SLC35F3: variants seen among roughly 807,000 people sequenced by gnomAD.
SLC35F3 encodes the protein solute carrier family 35 member F3.
Under a neutral mutation model 49.9 loss-of-function variants are expected in SLC35F3, and 25 were observed. The ratio of observed to expected loss-of-function variants is 0.50; its 90% CI spans 0.37 to 0.70. SLC35F3 has a LOEUF of 0.70. Ranked by LOEUF, SLC35F3 falls within the 30% of genes least tolerant of loss-of-function variation. The probability of loss-of-function intolerance (pLI) is 0.00; values close to 1 mark genes in which losing one functional copy is unlikely to be tolerated. For missense variants in SLC35F3, 525 were observed against 639.8 expected, an observed-to-expected ratio of 0.82 and a Z score of 1.94; for synonymous variants, 275 against 265.4, an observed-to-expected ratio of 1.04 and a Z score of -0.35.
intron 2 of SLC35F3, among the ~76,000 whole-genome samples, chr1:233,972,641 TATTATC>T (rs989243384): frequency 6.6e-6 from 1 of 150,968 alleles, no homozygotes; most frequent in Non-Finnish European, 1.5e-5. Context: ...AAATCATGGT[TATTATC>T]ATTATCATCA....
intron 2 of SLC35F3, among the ~76,000 whole-genome samples, chr1:233,944,887 A>T (rs1662488862): frequency 6.6e-6 from 1 of 152,138 alleles, no homozygotes; most frequent in Non-Finnish European, 1.5e-5. Context: ...CCATGGCAAC[A>T]TTCCTTAGTT....
At chr1:234,097,108 C>T (rs372250334) in intron 2 of SLC35F3, among the ~76,000 whole-genome samples, 2 of 152,052 alleles carry the variant, frequency 1.3e-5, no homozygotes, top group Non-Finnish European at 2.9e-5. Context: ...AGGCTGGTCT[C>T]GAACTCCCGA....
intron 3 of SLC35F3, among the ~76,000 whole-genome samples, chr1:234,278,994 G>A (rs971381044): frequency 7.4e-5 from 10 of 134,440 alleles, no homozygotes; most frequent in South Asian, 2.3e-4. Context: ...AAGGATGTGC[G>A]CTCCTGACAG....
chr1:233,974,133 T>C (rs907838362), intron 2 of SLC35F3, among the ~76,000 whole-genome samples: 9 of 151,812 alleles, frequency 5.9e-5, no homozygotes, highest in Admixed American at 5.3e-4. Context: ...AAACCCACTC[T>C]TGGGCAGGAG....
chr1:234,031,529 G>T (rs1474505284), intron 2 of SLC35F3, among the ~76,000 whole-genome samples: 1 of 152,148 alleles, frequency 6.6e-6, no homozygotes, highest in African/African-American at 2.4e-5. Context: ...CATTTGCCAT[G>T]TTCTGAGTGT....
chr1:233,922,269 G>A (rs1397944180), intron 2 of SLC35F3, among the ~76,000 whole-genome samples: 2 of 152,174 alleles, frequency 1.3e-5, no homozygotes, highest in African/African-American at 4.8e-5. Flanking sequence ...CAGTGTAAAA[G>A]TGTTCCTATT....
chr1:234,234,921 G>A (rs1017313571), intron 3 of SLC35F3, among the ~76,000 whole-genome samples: 1 of 152,198 alleles, frequency 6.6e-6, no homozygotes, highest in African/African-American at 2.4e-5. Flanking sequence ...AACAAGTACT[G>A]TGTTGTGATA....
chr1:234,113,610 T>C (rs1401619921), intron 2 of SLC35F3, among the ~76,000 whole-genome samples: 1 of 152,208 alleles, frequency 6.6e-6, no homozygotes, highest in Non-Finnish European at 1.5e-5. Context: ...ACGCCTGTAA[T>C]CCCAGCACTT....
chr1:234,195,596 G>A (rs1666796106), intron 2 of SLC35F3, among the ~76,000 whole-genome samples: 1 of 152,000 alleles, frequency 6.6e-6, no homozygotes, highest in African/African-American at 2.4e-5. Flanking sequence ...TCTTCCTTTA[G>A]GTTTCGGTCC....
intron 3 of SLC35F3, among the ~76,000 whole-genome samples, chr1:234,267,991 G>T (rs1379179756): frequency 7.0e-6 from 1 of 142,710 alleles, no homozygotes; most frequent in Non-Finnish European, 1.5e-5. Context: ...AGGCAGAGGG[G>T]CTCCTCACAT....
chr1:234,214,597 CG>C lies in SLC35F3; in HGVS notation c.284-16815del, dbSNP rs1415118579. The C allele has an allele frequency of 3.3e-6, 5 of 1,522,606 alleles. No individual in the cohort carries two copies. The highest frequency in any genetic ancestry group is 2.7e-5 in the East Asian group (1 of 36,504). 94.3% of individuals were successfully genotyped at this position (1,522,606 alleles called of 1,614,324 possible). On this transcript the variant is annotated intron_variant, in intron 2 of 7. Transcript: ENST00000366618. The surrounding 1 kb of genome is among the most constrained non-coding windows in gnomAD (Gnocchi z 8.0). Reference sequence around the variant, plus strand: ...AAGGTAATGCGCGGCCGCCTCGCCCCGGGGGTCCCTGCACCCTAGCCGGGGA... The same window carrying C: ...AAGGTAATGCGCGGCCGCCTCGCCCCGGGGTCCCTGCACCCTAGCCGGGGA...
chr1:234,101,031 C>G (rs1401976691), intron 2 of SLC35F3, among the ~76,000 whole-genome samples: 1 of 152,038 alleles, frequency 6.6e-6, no homozygotes, highest in Non-Finnish European at 1.5e-5. Context: ...GAACACAAGC[C>G]CCTTCCTACC....
At chr1:234,230,137 C>T (rs1056662560) in intron 2 of SLC35F3, among the ~76,000 whole-genome samples, 9 of 152,110 alleles carry the variant, frequency 5.9e-5, no homozygotes, top group African/African-American at 2.4e-5. Flanking sequence ...ACAGTTTGGC[C>T]CAATAAAGTA....
At chr1:234,184,135 T>C (rs1354351982) in intron 2 of SLC35F3, among the ~76,000 whole-genome samples, 3 of 150,908 alleles carry the variant, frequency 2.0e-5, no homozygotes, top group Non-Finnish European at 4.4e-5. Context: ...AACACAGTTT[T>C]TTTAAAAAAA....
intron 2 of SLC35F3, among the ~76,000 whole-genome samples, chr1:233,965,019 A>T (rs989713349): frequency 6.6e-6 from 1 of 152,164 alleles, no homozygotes; most frequent in African/African-American, 2.4e-5. Context: ...TGTCATTGCA[A>T]TTGGACTCAG....
chr1:234,178,621 G>C (rs1467526537), intron 2 of SLC35F3, among the ~76,000 whole-genome samples: 2 of 151,732 alleles, frequency 1.3e-5, no homozygotes, highest in Non-Finnish European at 2.9e-5. Flanking sequence ...AACCCATACT[G>C]ACACATCATC....
At chr1:234,111,164 A>G (rs1234850072) in intron 2 of SLC35F3, among the ~76,000 whole-genome samples, 1 of 152,130 alleles carries the variant, frequency 6.6e-6, no homozygotes, top group Non-Finnish European at 1.5e-5. Flanking sequence ...ATTTTTAATT[A>G]TTTAATTAAA....
chr1:234,193,644 A>T (rs1201343138), intron 2 of SLC35F3, among the ~76,000 whole-genome samples: 1 of 152,258 alleles, frequency 6.6e-6, no homozygotes, highest in Non-Finnish European at 1.5e-5. Flanking sequence ...AAGAGTCAGC[A>T]GAGTAAAGAG....
intron 2 of SLC35F3, among the ~76,000 whole-genome samples, chr1:234,010,108 A>G (rs1663692486): frequency 6.6e-6 from 1 of 152,226 alleles, no homozygotes; most frequent in Non-Finnish European, 1.5e-5. Context: ...CATGTAAAGC[A>G]ATTTTATCTC....
Sources: allele counts gnomAD v4.1 joint callset (sites outside exome capture counted in the v4.1 genomes callset), GRCh38; gene constraint gnomAD v4.1.1; non-coding constraint Gnocchi (gnomAD v3.1); transcripts MANE v1.5; gene names NCBI Gene and HGNC (gene_info 2026-07-23, HGNC 2026-07-21).